Variants in CSMD3 observed in about 807,000 individuals in gnomAD.
CSMD3 encodes the protein CUB and Sushi multiple domains 3, also known as CUB and sushi domain-containing protein 3.
Under a neutral mutation model 435.2 loss-of-function variants are expected in CSMD3, and 177 were observed. The observed-to-expected ratio is 0.41, with a 90% CI of 0.36 to 0.46. The LOEUF (loss-of-function observed/expected upper bound fraction) is 0.46, where lower values mean the gene tolerates loss of function less well. Among genes scored for constraint, CSMD3 ranks in the 20% least tolerant of loss-of-function variants. CSMD3 has a pLI of 0.34. For missense variants in CSMD3, 4,265 were observed against 4,504.6 expected, an observed-to-expected ratio of 0.95 and a Z score of 1.52; for synonymous variants, 1,656 against 1,520.5, an observed-to-expected ratio of 1.09 and a Z score of -2.07.
intron 1 of CSMD3, among the ~76,000 whole-genome samples, chr8:113,432,544 C>T (rs1461272202): frequency 6.6e-6 from 1 of 152,216 alleles, no homozygotes; most frequent in Non-Finnish European, 1.5e-5. Context: ...CCCTCAGAGT[C>T]TAACTAAGCC....
At chr8:112,320,028 G>A (rs1822846368) in intron 45 of CSMD3, 47 bp from the exon 46 acceptor site, 3 of 1,226,400 alleles carry the variant, frequency 2.4e-6, no homozygotes, top group Non-Finnish European at 3.6e-6. Flanking sequence ...GCAGCTACAT[G>A]TATTCACATA....
At chr8:113,124,701 G>C (rs1477500180) in intron 4 of CSMD3, among the ~76,000 whole-genome samples, 1 of 151,896 alleles carries the variant, frequency 6.6e-6, no homozygotes, top group Non-Finnish European at 1.5e-5. Flanking sequence ...TGATCAGTAT[G>C]GCTGATCACA....
chr8:113,072,488 T>C (rs1453778819), intron 5 of CSMD3, among the ~76,000 whole-genome samples: 2 of 151,784 alleles, frequency 1.3e-5, no homozygotes, highest in Non-Finnish European at 3.0e-5. Flanking sequence ...ATCTGTTTTG[T>C]TTAGATATTT....
At chr8:112,450,674 C>A (rs570762260) in intron 32 of CSMD3, among the ~76,000 whole-genome samples, 1 of 152,182 alleles carries the variant, frequency 6.6e-6, no homozygotes, top group African/African-American at 2.4e-5. Context: ...TCTTTTTTCT[C>A]AAAAATTTAA....
At chr8:112,703,293 A>C (rs1339484784) in intron 13 of CSMD3, among the ~76,000 whole-genome samples, 1 of 152,130 alleles carries the variant, frequency 6.6e-6, no homozygotes, top group African/African-American at 2.4e-5. Context: ...AAGAAATCAG[A>C]AGCAGGGGAA....
At chr8:113,226,833 AC>A (rs1344541439) in intron 3 of CSMD3, among the ~76,000 whole-genome samples, 1 of 151,564 alleles carries the variant, frequency 6.6e-6, no homozygotes, top group Admixed American at 6.6e-5. Context: ...AATAGGTATA[AC>A]AATTGTCTTT....
At chr8:112,728,299 C>CA (rs1055203375) in intron 13 of CSMD3, among the ~76,000 whole-genome samples, 222 of 150,274 alleles carry the variant, frequency 1.5e-3, no homozygotes, top group African/African-American at 4.8e-3. Context: ...AAACACTGAA[C>CA]AAAAAAAATA....
At chr8:112,645,797 T>C (rs2074963886) in intron 19 of CSMD3, among the ~76,000 whole-genome samples, 2 of 152,230 alleles carry the variant, frequency 1.3e-5, no homozygotes, top group South Asian at 4.1e-4. Flanking sequence ...TTTGATTTGA[T>C]ATTCATTTCT....
At chr8:113,427,459 G>A (rs550419626) in intron 1 of CSMD3, among the ~76,000 whole-genome samples, 1 of 149,586 alleles carries the variant, frequency 6.7e-6, no homozygotes, top group South Asian at 2.1e-4. Flanking sequence ...CATTCAATGA[G>A]CTTTACTCTC....
At chr8:112,401,350 T>C (rs1049669829) in intron 35 of CSMD3, among the ~76,000 whole-genome samples, 7 of 152,160 alleles carry the variant, frequency 4.6e-5, no homozygotes, top group Non-Finnish European at 8.8e-5. Context: ...TTTCCTTTTC[T>C]CTCTCTGTTT....
chr8:113,354,673 T>A (rs1010006565), intron 1 of CSMD3, among the ~76,000 whole-genome samples: 8 of 152,194 alleles, frequency 5.3e-5, no homozygotes, highest in Non-Finnish European at 7.3e-5. Flanking sequence ...GGAGTCCAAC[T>A]CTGTTGCCCA....
At position 113,356,257 on chromosome 8, in the gene CSMD3, C is replaced by G. The variant is rs984445539; in HGVS notation, c.179-41464G>C. 1.1e-3 allele frequency among the ~76,000 whole-genome samples: 172 copies of G among 152,064 alleles called. 2 individuals are homozygous for G. Among genetic ancestry groups the G allele is most frequent in the Non-Finnish European group, 7.8e-4 (53 of 68,008 alleles). Reference sequence around the variant, plus strand: ...CATTAGTTTACCCCCAGTTTTAGTGCATATTCAGCAAATTCTTAAATTAAT... The same window carrying G: ...CATTAGTTTACCCCCAGTTTTAGTGGATATTCAGCAAATTCTTAAATTAAT... On this transcript the variant is annotated intron_variant, in intron 1 of 70. Transcript: ENST00000297405.
chr8:112,871,547 T>G (rs1014646189), intron 10 of CSMD3, among the ~76,000 whole-genome samples: 2 of 152,100 alleles, frequency 1.3e-5, no homozygotes, highest in African/African-American at 4.8e-5. Context: ...AGAGCGCTGT[T>G]GTTTTCATGG....
At chr8:112,750,508 A>T (rs900728893) in intron 13 of CSMD3, among the ~76,000 whole-genome samples, 1 of 152,056 alleles carries the variant, frequency 6.6e-6, no homozygotes, top group Non-Finnish European at 1.5e-5. Context: ...TGCAGAAAAG[A>T]AGGGACCATA....
At chr8:112,811,314 C>T (rs1302153673) in intron 12 of CSMD3, among the ~76,000 whole-genome samples, 1 of 151,866 alleles carries the variant, frequency 6.6e-6, no homozygotes, top group Non-Finnish European at 1.5e-5. Flanking sequence ...ACTCCCCCAA[C>T]CCCCCTTCTC....
intron 12 of CSMD3, among the ~76,000 whole-genome samples, chr8:112,818,717 C>T (rs1418302486): frequency 6.6e-6 from 1 of 152,146 alleles, no homozygotes; most frequent in African/African-American, 2.4e-5. Context: ...TCTAGTTTAA[C>T]TCTTGCTCAG....
chr8:112,437,479 G>A (rs761277335), intron 32 of CSMD3, among the ~76,000 whole-genome samples: 8 of 152,006 alleles, frequency 5.3e-5, no homozygotes, highest in Non-Finnish European at 1.0e-4. Flanking sequence ...CTAAATGGAT[G>A]AACTAAGGAA....
intron 5 of CSMD3, among the ~76,000 whole-genome samples, chr8:113,070,538 C>T (rs2089064868): frequency 6.6e-6 from 1 of 151,922 alleles, no homozygotes; most frequent in African/African-American, 2.4e-5. Context: ...CCATGCTGAA[C>T]ATTAGATTTC....
At chr8:112,993,883 T>C (rs948029403) in intron 6 of CSMD3, among the ~76,000 whole-genome samples, 1 of 151,794 alleles carries the variant, frequency 6.6e-6, no homozygotes, top group Non-Finnish European at 1.5e-5. Flanking sequence ...AGTTTGGTGA[T>C]ACATGTAGGA....
Sources: gnomAD v4.1 joint callset for allele counts (sites outside exome capture counted in the v4.1 genomes callset) on GRCh38, gnomAD v4.1.1 for gene constraint, MANE v1.5 for transcripts, NCBI Gene and HGNC (gene_info 2026-07-23, HGNC 2026-07-21) for gene names.